PPP2R2C: variants seen among roughly 807,000 people sequenced by gnomAD.
PPP2R2C encodes protein phosphatase 2, regulatory subunit B, gamma.
Under a neutral mutation model 45.3 loss-of-function variants are expected in PPP2R2C, and 10 were observed. The observed-to-expected ratio is 0.22, with a 90% CI of 0.14 to 0.37. The LOEUF is 0.37. Ranked by LOEUF, PPP2R2C falls within the 10% of genes least tolerant of loss-of-function variation. The pLI, the probability that PPP2R2C is intolerant of heterozygous loss-of-function variation, is 1.00. For synonymous variants in PPP2R2C, 257 were observed against 245.4 expected, an observed-to-expected ratio of 1.05 and a Z score of -0.44; for missense variants, 308 against 619.7, an observed-to-expected ratio of 0.50 and a Z score of 5.34.
At chr4:6,557,102 C>G (rs1560621838) in intron 1 of PPP2R2C, among the ~76,000 whole-genome samples, 1 of 152,114 alleles carries the variant, frequency 6.6e-6, no homozygotes, top group Admixed American at 6.5e-5. Flanking sequence ...AAGGTACCAG[C>G]CTTCAAGGAG....
At chr4:6,390,073 C>T (rs1716494745) in intron 1 of PPP2R2C, among the ~76,000 whole-genome samples, 1 of 152,212 alleles carries the variant, frequency 6.6e-6, no homozygotes, top group African/African-American at 2.4e-5. Flanking sequence ...CTGAGACTCA[C>T]AGCAAAAGGG....
At chr4:6,450,740 AC>A (rs947153656) in intron 1 of PPP2R2C, among the ~76,000 whole-genome samples, 3 of 151,960 alleles carry the variant, frequency 2.0e-5, no homozygotes, top group Admixed American at 2.0e-4. Context: ...GAGAGGTGAA[AC>A]CCCCATTTCA....
intron 2 of PPP2R2C, among the ~76,000 whole-genome samples, chr4:6,529,338 G>C (rs1160198213): frequency 4.6e-5 from 7 of 152,228 alleles, no homozygotes; most frequent in African/African-American, 1.7e-4. Context: ...TGCAGCCCTG[G>C]CCTCTCCTCT....
intron 1 of PPP2R2C, among the ~76,000 whole-genome samples, chr4:6,395,904 G>T (rs569969315): frequency 6.6e-6 from 1 of 152,302 alleles, no homozygotes; most frequent in East Asian, 1.9e-4. Context: ...CCTCTCTGCA[G>T]GGCATTAAGG....
chr4:6,452,354 C>T (rs866686921), intron 1 of PPP2R2C, among the ~76,000 whole-genome samples: 8 of 152,212 alleles, frequency 5.3e-5, no homozygotes, highest in African/African-American at 1.9e-4. Flanking sequence ...GGGCCCACCC[C>T]AGTCCACCCT....
chr4:6,458,780 G>C (rs28610561), intron 1 of PPP2R2C, among the ~76,000 whole-genome samples: 4,243 of 152,238 alleles, frequency 0.028, 214 homozygotes, highest in African/African-American at 0.097. Flanking sequence ...GTTGTGGGAT[G>C]GGACCCTGGG....
chr4:6,364,779 G>C lies in PPP2R2C; in HGVS notation c.625+7744C>G, dbSNP rs1020481946. Reference sequence around the variant, plus strand: ...CTGGCAGTCTGGCTCCTAGACCTAAGAAGGGAGGCCAGTCAGGTCACCATC... The same window carrying C: ...CTGGCAGTCTGGCTCCTAGACCTAACAAGGGAGGCCAGTCAGGTCACCATC... On this transcript the variant is annotated intron_variant, in intron 5 of 8. Coordinates refer to ENST00000382599, the MANE Select transcript of PPP2R2C (RefSeq NM_020416.4). This position sits in a 1 kb window ranked among gnomAD's most constrained non-coding sequence, Gnocchi z 5.3. Among the ~76,000 whole-genome samples, 1 of 152,146 alleles carries C rather than the reference G, an allele frequency of 6.6e-6. No homozygotes were observed. Among genetic ancestry groups the C allele is most frequent in the African/African-American group, 2.4e-5 (1 of 41,426 alleles).
rs1714951856 is a variant in PPP2R2C at position 6,372,715 on chromosome 4, G to A, written c.448-15C>T. 6.2e-7 allele frequency: 1 copy of A among 1,612,500 alleles called. No individual in the cohort carries two copies. Among genetic ancestry groups the A allele is most frequent in the South Asian group, 1.1e-5 (1 of 91,052 alleles). On this transcript the variant is annotated splice_polypyrimidine_tract_variant and intron_variant, in intron 4 of 8. Coordinates refer to ENST00000382599, the MANE Select transcript of PPP2R2C (RefSeq NM_020416.4). ...AGCACTGGCACCTGCAGAGGATGAG[G>A]AGGCAGGGAAGAGGTGAAGGCCAGG...
In PPP2R2C at chr4:6,320,675, G is replaced by GA. The variant is rs1346029847; in HGVS notation, c.*2626dup. The GA allele has an allele frequency of 1.3e-5, 2 of 152,388 alleles. No homozygotes were observed. The highest frequency in any genetic ancestry group is 4.8e-5 in the African/African-American group (2 of 41,424). The allele number at this position is 152,388 out of a possible 1,614,324, so 9.4% of individuals were successfully genotyped here. ...ATTGGGTAATTTGTGAGACACCAAA[G>GA]AAAAAAAGAATGCACCTATGAGTTA... On this transcript the variant is annotated 3_prime_UTR_variant, in exon 9 of 9. Coordinates refer to ENST00000382599, the MANE Select transcript of PPP2R2C (RefSeq NM_020416.4).
At chr4:6,464,127 A>G (rs1035816397) in intron 1 of PPP2R2C, among the ~76,000 whole-genome samples, 6 of 152,198 alleles carry the variant, frequency 3.9e-5, no homozygotes, top group African/African-American at 1.4e-4. Flanking sequence ...GAAATAATAT[A>G]CACAACATCA....
At chr4:6,409,729 A>G (rs1718029191) in intron 1 of PPP2R2C, among the ~76,000 whole-genome samples, 1 of 152,194 alleles carries the variant, frequency 6.6e-6, no homozygotes, top group South Asian at 2.1e-4. Flanking sequence ...GTCGGGGTTC[A>G]GGACTCACCC....
intron 1 of PPP2R2C, among the ~76,000 whole-genome samples, chr4:6,434,359 C>CTTT (rs34292067): frequency 0.62 from 72,302 of 116,322 alleles, 21,922 homozygotes; most frequent in Non-Finnish European, 0.67. Flanking sequence ...TTTTTCTTTT[C>CTTT]TTTTTTTTTT....
intron 5 of PPP2R2C, chr4:6,350,300 G>A (rs181193204): frequency 2.7e-4 from 268 of 985,478 alleles, no homozygotes; most frequent in African/African-American, 2.2e-3. Flanking sequence ...CTGCCCGCTC[G>A]GAGCAGCTCT....
intron 3 of PPP2R2C, among the ~76,000 whole-genome samples, chr4:6,377,703 C>G (rs1041845120): frequency 6.6e-6 from 1 of 152,124 alleles, no homozygotes; most frequent in Non-Finnish European, 1.5e-5. Flanking sequence ...CTACCCGACC[C>G]CAGGCTGCCT....
chr4:6,476,444 G>A (rs1722147068), upstream of PPP2R2C, among the ~76,000 whole-genome samples: 1 of 152,206 alleles, frequency 6.6e-6, no homozygotes, highest in Admixed American at 6.5e-5. Flanking sequence ...AGACGTGAGA[G>A]AGTTTGCTTC....
At chr4:6,511,639 TTGATGGTGGTGG>T (rs1560594128) in intron 2 of PPP2R2C, among the ~76,000 whole-genome samples, 19 of 1,868 alleles carry the variant, frequency 0.01, no homozygotes, top group Non-Finnish European at 7.3e-3. Flanking sequence ...GGTGGTGGTG[TTGATGGTGGTGG>T]TGATGGTGGT....
chr4:6,421,929 G>A (rs1342586886), intron 1 of PPP2R2C, among the ~76,000 whole-genome samples: 1 of 152,232 alleles, frequency 6.6e-6, no homozygotes, highest in Non-Finnish European at 1.5e-5. Context: ...TGCATGTGCT[G>A]AGCAGAATGT....
At chr4:6,512,170 A>ATGG (rs1723610049) in intron 2 of PPP2R2C, among the ~76,000 whole-genome samples, 1 of 21,694 alleles carries the variant, frequency 4.6e-5, no homozygotes, top group Non-Finnish European at 8.3e-5. Context: ...GATGGTGGTG[A>ATGG]TGGTGCTGAT....
At chr4:6,515,203 G>C (rs560197069) in intron 2 of PPP2R2C, among the ~76,000 whole-genome samples, 1 of 152,278 alleles carries the variant, frequency 6.6e-6, no homozygotes, top group South Asian at 2.1e-4. Flanking sequence ...GCTCTTAATG[G>C]TTAAATCTTA....
Sources: allele counts gnomAD v4.1 joint callset (sites outside exome capture counted in the v4.1 genomes callset), GRCh38; gene constraint gnomAD v4.1.1; non-coding constraint Gnocchi (gnomAD v3.1); transcripts MANE v1.5; gene names NCBI Gene and HGNC (gene_info 2026-07-23, HGNC 2026-07-21).